The following RNF17 variants were observed in gnomAD, a reference collection of about 807,000 sequenced individuals.
RNF17 encodes spermatogenesis associated 23.
A neutral mutation model predicts 200.5 loss-of-function variants in RNF17; 31 were observed. That is an observed-to-expected ratio of 0.15 (90% CI 0.12 to 0.21). RNF17 has a LOEUF of 0.21. Ranked by LOEUF, RNF17 falls within the 10% of genes least tolerant of loss-of-function variation. The pLI is 1.00. For missense variants in RNF17, 1,628 were observed against 1,905.1 expected, an observed-to-expected ratio of 0.85 and a Z score of 2.71; for synonymous variants, 606 against 637.8, an observed-to-expected ratio of 0.95 and a Z score of 0.75.
intron 27 of RNF17, among the ~76,000 whole-genome samples, chr13:24,861,829 A>G (rs1893129650): frequency 6.6e-6 from 1 of 152,188 alleles, no homozygotes; most frequent in South Asian, 2.1e-4. Flanking sequence ...TTGTTTTGAC[A>G]AGGGGTCTGT....
At chr13:24,867,807 T>C (rs9511484) in intron 30 of RNF17, among the ~76,000 whole-genome samples, 98,272 of 152,044 alleles carry the variant, frequency 0.65, 32,101 homozygotes, top group Non-Finnish European at 0.69. Context: ...TGCTTTCATA[T>C]GGCTTAAGAG....
At chr13:24,758,754 C>T in the RNF17 span, among the ~76,000 whole-genome samples, 1 of 152,106 alleles carries the variant, frequency 6.6e-6, no homozygotes, top group East Asian at 1.9e-4. Context: ...AAATAGAAGT[C>T]AGAGTTGATA....
At chr13:24,812,065 T>A (rs1886714788) in intron 15 of RNF17, among the ~76,000 whole-genome samples, 1 of 151,380 alleles carries the variant, frequency 6.6e-6, no homozygotes, top group Admixed American at 6.6e-5. Context: ...CAGGGACGTT[T>A]AAGTCTGCAG....
chr13:24,804,386 C>T lies in RNF17; in HGVS notation c.2048C>T (p.Thr683Met), dbSNP rs753540283. 2.0e-5 allele frequency: 32 copies of T among 1,611,784 alleles called. No individual in the cohort carries two copies. Among genetic ancestry groups the T allele is most frequent in the African/African-American group, 4.0e-5 (3 of 74,850 alleles). Reference protein sequence around the residue: ...LPKEMTDVSVTVCHINSPGDF... With the variant: ...LPKEMTDVSVMVCHINSPGDF... ...AAAGAAATGACAGATGTTTCAGTAA[C>T]GGTTTGTCATATAAATAGTCCTGGA... is the stretch of plus-strand genomic sequence containing the variant. Residue 683 changes from threonine to methionine, a missense_variant, in exon 15 of 36, where the codon ACG becomes ATG. By Grantham distance (81) the Thr-to-Met change is moderately conservative. Coordinates refer to ENST00000255324, the MANE Select transcript of RNF17 (RefSeq NM_031277.3).
chr13:24,760,140 C>T (rs1878595268), upstream of RNF17, among the ~76,000 whole-genome samples: 1 of 151,994 alleles, frequency 6.6e-6, no homozygotes, highest in Non-Finnish European at 1.5e-5. Context: ...GACTCCATCT[C>T]AAAAAATATA....
chr13:24,845,183 G>C, intron 22 of RNF17, 104 bp downstream of exon 22: 1 of 660,404 alleles, frequency 1.5e-6, no homozygotes, highest in East Asian at 2.8e-5. Context: ...CTAAAATCTA[G>C]TTAATTTTGG....
chr13:24,772,605 ACTT>A (rs1471044815), intron 2 of RNF17, among the ~76,000 whole-genome samples: 4 of 150,770 alleles, frequency 2.7e-5, no homozygotes, highest in African/African-American at 4.9e-5. Context: ...ATGAACAGAC[ACTT>A]CTTTTTTTTT....
chr13:24,827,129 G>A (rs558295624), intron 16 of RNF17, among the ~76,000 whole-genome samples: 78 of 151,632 alleles, frequency 5.1e-4, no homozygotes, highest in African/African-American at 1.8e-3. Context: ...ATGGGATTTC[G>A]CCATGTTGGT....
the RNF17 span, among the ~76,000 whole-genome samples, chr13:24,753,487 C>T: frequency 6.6e-6 from 1 of 152,140 alleles, no homozygotes; most frequent in African/African-American, 2.4e-5. Context: ...TACCTGATGG[C>T]CAGGGACGTT....
intron 19 of RNF17, among the ~76,000 whole-genome samples, chr13:24,843,376 G>A (rs9943903): frequency 0.43 from 65,480 of 151,754 alleles, 14,206 homozygotes; most frequent in East Asian, 0.48. Context: ...AAATTAGTGG[G>A]GCATGGTGGC....
chr13:24,772,774 C>A (rs1880966311), intron 2 of RNF17, among the ~76,000 whole-genome samples: 1 of 152,008 alleles, frequency 6.6e-6, no homozygotes. Context: ...CCACGCCCAG[C>A]TAATTTTTTG....
chr13:24,837,603 A>G (rs1424355171), intron 18 of RNF17, among the ~76,000 whole-genome samples: 1 of 152,194 alleles, frequency 6.6e-6, no homozygotes, highest in Non-Finnish European at 1.5e-5. Context: ...GCATTGGGTC[A>G]AAAACAAAAT....
intron 18 of RNF17, among the ~76,000 whole-genome samples, chr13:24,832,722 T>G (rs1293175950): frequency 6.6e-6 from 1 of 152,016 alleles, no homozygotes; most frequent in East Asian, 1.9e-4. Context: ...GGGTTTTAGA[T>G]AGGGGGATTG....
chr13:24,838,618 G>GCATC (rs1334650957), intron 18 of RNF17, among the ~76,000 whole-genome samples: 1 of 152,090 alleles, frequency 6.6e-6, no homozygotes, highest in Non-Finnish European at 1.5e-5. Context: ...ACAAAATCCA[G>GCATC]CATCCCTTTA....
At position 24,861,283 on chromosome 13, in the gene RNF17, C is replaced by G. The variant is rs762345439; in HGVS notation, c.3790C>G (p.His1264Asp). The part of the protein sequence containing the change: ...GGAVRVQYLD[H>D]GFTEKIPQCH... ...CGTGTTTCAGGTACAATATTTAGAT[C>G]ATGGATTCACTGAAAAGATTCCGCA... Residue 1264 changes from histidine to aspartate, a missense_variant, in exon 27 of 36, where the codon CAT (histidine) becomes GAT (aspartate). His to Asp is a moderately conservative substitution (Grantham distance 81). Transcript: ENST00000255324. The G allele has an allele frequency of 3.1e-6, 5 of 1,593,494 alleles. No individual in the cohort carries two copies. The Middle Eastern group carries it at 6.6e-4, about 211-fold the overall frequency.
At chr13:24,779,109 A>C (rs1411955553) in intron 4 of RNF17, among the ~76,000 whole-genome samples, 1 of 152,062 alleles carries the variant, frequency 6.6e-6, no homozygotes, top group Non-Finnish European at 1.5e-5. Flanking sequence ...AGGCATGAGA[A>C]TCTCTTAAAC....
intron 17 of RNF17, among the ~76,000 whole-genome samples, chr13:24,830,992 A>T (rs1001581844): frequency 2.9e-4 from 44 of 152,214 alleles, no homozygotes; most frequent in African/African-American, 1.1e-3. Context: ...ATATGTAAAA[A>T]ACTGAACCTT....
intron 18 of RNF17, among the ~76,000 whole-genome samples, chr13:24,833,227 G>A (rs894859641): frequency 5.3e-5 from 8 of 152,048 alleles, no homozygotes; most frequent in African/African-American, 1.9e-4. Context: ...TAAGACTATT[G>A]GACTATTCAC....
intron 7 of RNF17, among the ~76,000 whole-genome samples, chr13:24,789,135 C>T: frequency 6.6e-6 from 1 of 152,090 alleles, no homozygotes; most frequent in East Asian, 1.9e-4. Flanking sequence ...GATCATGTAG[C>T]TCTATCCTAT....
Sources: gnomAD v4.1 joint callset for allele counts (sites outside exome capture counted in the v4.1 genomes callset) on GRCh38, gnomAD v4.1.1 for gene constraint, MANE v1.5 for transcripts, NCBI Gene and HGNC (gene_info 2026-07-23, HGNC 2026-07-21) for gene names.